WDR7: variants seen among roughly 807,000 people sequenced by gnomAD.
WDR7 encodes the protein WD repeat-containing protein 7.
In WDR7, 46 loss-of-function variants were observed where a neutral mutation model predicts 169.4. That is an observed-to-expected ratio of 0.27 (90% CI 0.21 to 0.35). The LOEUF is 0.35. Among genes scored for constraint, WDR7 ranks in the 10% least tolerant of loss-of-function variants. WDR7 has a pLI of 1.00. For synonymous variants in WDR7, 612 were observed against 666.8 expected, an observed-to-expected ratio of 0.92 and a Z score of 1.27; for missense variants, 1,534 against 1,859.3, an observed-to-expected ratio of 0.83 and a Z score of 3.22.
At chr18:56,772,675 G>A (rs1056807328) in intron 16 of WDR7, among the ~76,000 whole-genome samples, 16 of 151,334 alleles carry the variant, frequency 1.1e-4, no homozygotes, top group Admixed American at 2.6e-4. Context: ...ATGACTATTC[G>A]TATAGAGATA....
At chr18:56,938,808 AGT>A (rs71171007) in intron 24 of WDR7, 126 bp downstream of exon 24, 7,369 of 660,718 alleles carry the variant, frequency 0.011, 181 homozygotes, top group African/African-American at 0.085. Flanking sequence ...AGAAAGAATG[AGT>A]GTGTGTGTGT....
At chr18:57,009,196 G>A (rs2048105650) in intron 26 of WDR7, among the ~76,000 whole-genome samples, 1 of 152,146 alleles carries the variant, frequency 6.6e-6, no homozygotes, top group South Asian at 2.1e-4. Context: ...ATCAAAAGTA[G>A]AAGGTTAATT....
At chr18:56,783,537 G>A (rs2044350700) in intron 19 of WDR7, among the ~76,000 whole-genome samples, 1 of 152,058 alleles carries the variant, frequency 6.6e-6, no homozygotes, top group African/African-American at 2.4e-5. Flanking sequence ...AAATAAGAAT[G>A]CTATTATGGA....
At chr18:56,947,815 T>TA (rs2047127459) in intron 25 of WDR7, among the ~76,000 whole-genome samples, 1 of 152,248 alleles carries the variant, frequency 6.6e-6, no homozygotes, top group Non-Finnish European at 1.5e-5. Flanking sequence ...GTATGTGTGA[T>TA]ACGCACATGT....
In WDR7 at chr18:57,027,410, C is replaced by CA. The variant is rs2048382661; in HGVS notation, c.*204dup. On this transcript the variant is annotated 3_prime_UTR_variant, in exon 28 of 28. Transcript: ENST00000254442. ...ATCTGTCGATTCAGAGGCACGCACACATGCTCTGCAGGATGTGGCCATCCT... is the reference window on the plus strand; with the variant it reads ...ATCTGTCGATTCAGAGGCACGCACACAATGCTCTGCAGGATGTGGCCATCCT... 1 of 630,562 alleles carries CA rather than the reference C, an allele frequency of 1.6e-6. No homozygotes were observed. Among genetic ancestry groups the CA allele is most frequent in the Non-Finnish European group, 2.7e-6 (1 of 369,840 alleles). 39.1% of individuals were successfully genotyped at this position (630,562 alleles called of 1,614,324 possible). A position where few individuals can be genotyped will look rare whatever the true frequency, so the allele number is the denominator to read the frequency against.
At chr18:56,849,992 C>T (rs1442974533) in intron 20 of WDR7, among the ~76,000 whole-genome samples, 2 of 152,196 alleles carry the variant, frequency 1.3e-5, no homozygotes, top group Non-Finnish European at 2.9e-5. Context: ...GACACAGACA[C>T]ATTTGCCTTT....
In WDR7 at chr18:56,905,724, C is replaced by T. The variant is rs1373898555; in HGVS notation, c.3527-18198C>T. On this transcript the variant is annotated intron_variant, in intron 21 of 27. Coordinates refer to ENST00000254442, the MANE Select transcript of WDR7 (RefSeq NM_015285.3). ...CTTACAGTGACTGAGAATCCAGGAG[C>T]GATTTATCTATTTATATTTCTTTCA... 5.3e-5 allele frequency among the ~76,000 whole-genome samples: 8 copies of T among 151,290 alleles called. No homozygotes were observed. In the South Asian group the frequency reaches 1.0e-3, roughly 20 times the overall value.
chr18:56,972,227 C>G (rs2047499006), intron 26 of WDR7, among the ~76,000 whole-genome samples: 1 of 152,028 alleles, frequency 6.6e-6, no homozygotes, highest in African/African-American at 2.4e-5. Flanking sequence ...GCAAACACAC[C>G]TATATTAATG....
At chr18:56,840,074 AAAC>A (rs1401653396) in intron 20 of WDR7, among the ~76,000 whole-genome samples, 3 of 152,044 alleles carry the variant, frequency 2.0e-5, no homozygotes, top group South Asian at 2.1e-4. Context: ...AAACAAAACA[AAAC>A]AACAACAAAA....
chr18:56,722,685 A>G (rs1259577569), intron 13 of WDR7, among the ~76,000 whole-genome samples: 1 of 152,044 alleles, frequency 6.6e-6, no homozygotes, highest in Non-Finnish European at 1.5e-5. Flanking sequence ...TACCATTTTC[A>G]TTGCTTCCCT....
intron 20 of WDR7, among the ~76,000 whole-genome samples, chr18:56,821,630 T>G (rs2045097532): frequency 6.8e-6 from 1 of 146,286 alleles, no homozygotes; most frequent in African/African-American, 2.5e-5. Flanking sequence ...CTCATCATTA[T>G]TCCCCCTGCA....
chr18:56,735,617 G>C (rs963337435), intron 14 of WDR7, among the ~76,000 whole-genome samples: 6 of 152,054 alleles, frequency 3.9e-5, no homozygotes, highest in Non-Finnish European at 5.9e-5. Context: ...AAATAGGTGA[G>C]GTAGTTCTTA....
intron 26 of WDR7, among the ~76,000 whole-genome samples, chr18:57,007,740 C>T (rs1383552243): frequency 2.0e-5 from 3 of 152,144 alleles, no homozygotes; most frequent in Admixed American, 6.5e-5. Flanking sequence ...TTCAGGTCTA[C>T]AATGTGTACA....
intron 14 of WDR7, among the ~76,000 whole-genome samples, chr18:56,755,855 A>C (rs542009065): frequency 1.1e-4 from 16 of 152,106 alleles, no homozygotes; most frequent in Non-Finnish European, 1.9e-4. Flanking sequence ...GTGGCTTCTT[A>C]TTCTTTCTTT....
chr18:56,848,244 A>G (rs2045594442), intron 20 of WDR7, among the ~76,000 whole-genome samples: 1 of 152,214 alleles, frequency 6.6e-6, no homozygotes. Flanking sequence ...GCTGGGTTTC[A>G]GACTTGCATG....
intron 25 of WDR7, among the ~76,000 whole-genome samples, chr18:56,950,638 C>T (rs1331189313): frequency 6.6e-6 from 1 of 152,162 alleles, no homozygotes. Flanking sequence ...GATAACCTTT[C>T]CTACAATCCA....
At chr18:56,691,409 C>G (rs2025567506) in intron 8 of WDR7, 48 bp downstream of exon 8, 2 of 1,524,102 alleles carry the variant, frequency 1.3e-6, no homozygotes, top group Non-Finnish European at 1.7e-6. Flanking sequence ...GTAAAAGATT[C>G]AGAATTTAGG....
At chr18:56,779,604 A>G in intron 18 of WDR7, 55 bp downstream of exon 18, 1 of 1,370,770 alleles carries the variant, frequency 7.3e-7, no homozygotes, top group Non-Finnish European at 1.0e-6. Context: ...GCATTGGTCA[A>G]ATGTAAACTT....
intron 25 of WDR7, among the ~76,000 whole-genome samples, chr18:56,952,315 C>T (rs2047194679): frequency 6.6e-6 from 1 of 152,198 alleles, no homozygotes; most frequent in Non-Finnish European, 1.5e-5. Flanking sequence ...AAACAAGGGG[C>T]TCTTGTGCCT....
Sources: gnomAD v4.1 joint callset for allele counts (sites outside exome capture counted in the v4.1 genomes callset) on GRCh38, gnomAD v4.1.1 for gene constraint, MANE v1.5 for transcripts, NCBI Gene and HGNC (gene_info 2026-07-23, HGNC 2026-07-21) for gene names.